Variants in MAK16 observed in about 807,000 individuals in gnomAD.
MAK16 encodes MAK16 homolog, also known as protein MAK16 homolog.
MAK16 carries 12 observed loss-of-function variants against 49.9 expected under a neutral mutation model. That is an observed-to-expected ratio of 0.24 (90% CI 0.15 to 0.39). The LOEUF is 0.39. Ranked by LOEUF, MAK16 falls within the 10% of genes least tolerant of loss-of-function variation. MAK16 has a pLI of 1.00. For synonymous variants in MAK16, 115 were observed against 126.4 expected, an observed-to-expected ratio of 0.91 and a Z score of 0.60; for missense variants, 292 against 363.7, an observed-to-expected ratio of 0.80 and a Z score of 1.60.
In MAK16 at chr8:33,499,635, T is replaced by C. The variant is rs1808990463; in HGVS notation, c.*1006T>C. ...TTTGAATAAACTGGTAAAATAACAATTCATACTATCTCTACATATTTTTAG... is the reference window on the plus strand; with the variant it reads ...TTTGAATAAACTGGTAAAATAACAACTCATACTATCTCTACATATTTTTAG... On this transcript the variant is annotated 3_prime_UTR_variant, in exon 10 of 10. Transcript: ENST00000360128. 5.0e-6 allele frequency: 1 copy of C among 201,232 alleles called. No individual in the cohort carries two copies. The highest frequency in any genetic ancestry group is 5.4e-5 in the Admixed American group (1 of 18,372). The allele number at this position is 201,232 out of a possible 1,614,324, so 12.5% of individuals were successfully genotyped here.
In MAK16 at chr8:33,498,668, G is replaced by T. The variant is rs753289976; in HGVS notation, c.*39G>T. On this transcript the variant is annotated 3_prime_UTR_variant, in exon 10 of 10. Coordinates refer to ENST00000360128, the MANE Select transcript of MAK16 (RefSeq NM_032509.4). Reference sequence around the variant, plus strand: ...ATTTATACCCAGGACTGAACATGCAGAACTGTTTTTTTTTTTTTTTTATCT... The same window carrying T: ...ATTTATACCCAGGACTGAACATGCATAACTGTTTTTTTTTTTTTTTTATCT... 117 of 1,245,910 alleles carry T rather than the reference G, an allele frequency of 9.4e-5. No homozygotes were observed. The highest frequency in any genetic ancestry group is 1.2e-4 in the Non-Finnish European group (111 of 892,112). 77.2% of individuals were successfully genotyped at this position (1,245,910 alleles called of 1,614,324 possible). A position where few individuals can be genotyped will look rare whatever the true frequency, so the allele number is the denominator to read the frequency against.
At position 33,485,433 on chromosome 8, in the gene MAK16, C is replaced by T. The variant is rs1389911069; in HGVS notation, c.15+212C>T. 3 of 635,858 alleles carry T rather than the reference C, an allele frequency of 4.7e-6. No individual in the cohort carries two copies. In the East Asian group the frequency reaches 8.3e-5, roughly 18 times the overall value. 39.4% of individuals were successfully genotyped at this position (635,858 alleles called of 1,614,324 possible). On this transcript the variant is annotated intron_variant, in intron 1 of 9. Transcript: ENST00000360128. The stretch of plus-strand genomic sequence containing the variant: ...CCCCGGCCGGGTTGTGAGCACAGGA[C>T]TCCGTCACCTCAGCCCATGGGGTCG...
rs756318335 is a variant in MAK16 at position 33,496,682 on chromosome 8, G to A, written c.580G>A (p.Glu194Lys). ...CTTCGACAAAGCCCTGGAACAACAG[G>A]AGGCAGAGAGTGACTCTTCAGATAC... is the stretch of plus-strand genomic sequence containing the variant. ...HAFDKALEQQ[E>K]AESDSSDTEE... The change falls in exon 8 of 10, where the codon GAG becomes AAG. Residue 194 changes from glutamate to lysine, a missense_variant. Physicochemically the swap from Glu to Lys is moderately conservative, Grantham distance 56 (BLOSUM62 1). Transcript: ENST00000360128. The A allele has an allele frequency of 1.9e-6, 3 of 1,613,582 alleles. No homozygotes were observed. The highest frequency in any genetic ancestry group is 2.5e-6 in the Non-Finnish European group (3 of 1,179,804).
intron 6 of MAK16, among the ~76,000 whole-genome samples, chr8:33,493,996 G>T (rs1253727550): frequency 2.9e-5 from 4 of 135,648 alleles, no homozygotes; most frequent in South Asian, 4.3e-4. Flanking sequence ...CAGATTAAGC[G>T]TATTTATTTT....
chr8:33,499,085 TA>T lies in MAK16; in HGVS notation c.*461del, dbSNP rs1808960463. 3 of 1,156,790 alleles carry T rather than the reference TA, an allele frequency of 2.6e-6. No individual in the cohort carries two copies. Among genetic ancestry groups the T allele is most frequent in the Non-Finnish European group, 3.9e-6 (3 of 778,622 alleles). 71.7% of individuals were successfully genotyped at this position (1,156,790 alleles called of 1,614,324 possible). ...CAGCTTTCACTTACAAAGTTTCGTG[TA>T]AAAATATCTTTTTTTCTTAAATAAC... On this transcript the variant is annotated 3_prime_UTR_variant, in exon 10 of 10. Transcript: ENST00000360128.
At chr8:33,497,570 G>A (rs1276907080) in intron 9 of MAK16, among the ~76,000 whole-genome samples, 3 of 151,754 alleles carry the variant, frequency 2.0e-5, no homozygotes, top group South Asian at 2.1e-4. Flanking sequence ...TGGGCTCATC[G>A]CAGCCTCAGC....
At position 33,499,012 on chromosome 8, in the gene MAK16, A is replaced by C; in HGVS notation, c.*383A>C. The C allele has an allele frequency of 1.5e-6, 1 of 650,162 alleles. No individual in the cohort carries two copies. The highest frequency in any genetic ancestry group is 2.6e-6 in the Non-Finnish European group (1 of 377,524). 40.3% of individuals were successfully genotyped at this position (650,162 alleles called of 1,614,324 possible). A position where few individuals can be genotyped will look rare whatever the true frequency, so the allele number is the denominator to read the frequency against. ...AAGGAGTTCAATTTTTTCTTGTTCT[A>C]CTTTCCCTATTCTTATGGAGGTAAA... On this transcript the variant is annotated 3_prime_UTR_variant, in exon 10 of 10. Transcript: ENST00000360128.
Position 33,498,571 on chromosome 8 carries a change from A to G in MAK16, c.845A>G (p.Tyr282Cys), listed in dbSNP as rs749528626. ...GGACCACTGCAGAGAAAACGAGCCT[A>G]TGTGGAAATAGAATACGAGCAGGAG... is the stretch of plus-strand genomic sequence containing the variant. The part of the protein sequence containing the change: ...LRGPLQRKRA[Y>C]VEIEYEQETE... Residue 282 changes from tyrosine (Y) to cysteine (C), a missense_variant, in exon 10 of 10, where the codon TAT (tyrosine) becomes TGT (cysteine). Coordinates refer to ENST00000360128, the MANE Select transcript of MAK16 (RefSeq NM_032509.4). 8 of 1,614,064 alleles carry G rather than the reference A, an allele frequency of 5.0e-6. No individual in the cohort carries two copies. The highest frequency in any genetic ancestry group is 4.4e-5 in the South Asian group (4 of 91,086).
chr8:33,488,374 G>A lies in MAK16; in HGVS notation c.16-4G>A. 6.2e-7 allele frequency: 1 copy of A among 1,614,104 alleles called. No individual in the cohort carries two copies. The highest frequency in any genetic ancestry group is 8.5e-7 in the Non-Finnish European group (1 of 1,179,976). On this transcript the variant is annotated splice_region_variant and splice_polypyrimidine_tract_variant and intron_variant, in intron 1 of 9. Coordinates refer to ENST00000360128, the MANE Select transcript of MAK16 (RefSeq NM_032509.4). ...TTGAAATGGGCTTTTACTTTGTCTT[G>A]CAGGTTATCTGGGATACACTAGGAA...
chr8:33,494,748 C>T (rs997584817), intron 6 of MAK16, among the ~76,000 whole-genome samples: 1 of 151,926 alleles, frequency 6.6e-6, no homozygotes, highest in African/African-American at 2.4e-5. Context: ...GTGTAAACAC[C>T]CCACTCTAGA....
In MAK16 at chr8:33,498,832, T is replaced by A. The variant is rs1023945275; in HGVS notation, c.*203T>A. 1.6e-6 allele frequency: 1 copy of A among 609,832 alleles called. No individual in the cohort carries two copies. Among genetic ancestry groups the A allele is most frequent in the African/African-American group, 1.8e-5 (1 of 54,112 alleles). The allele number at this position is 609,832 out of a possible 1,614,324, so 37.8% of individuals were successfully genotyped here. ...AAGCTAAGTTGTGAACAAGAGTGTTTTTATAGCATATGTGTTGAAGTAACA... is the reference window on the plus strand; with the variant it reads ...AAGCTAAGTTGTGAACAAGAGTGTTATTATAGCATATGTGTTGAAGTAACA... On this transcript the variant is annotated 3_prime_UTR_variant, in exon 10 of 10. Transcript: ENST00000360128.
At position 33,498,673 on chromosome 8, in the gene MAK16, GTTTTT is replaced by G. The variant is rs11445524; in HGVS notation, c.*56_*60del. 6.8e-6 allele frequency: 8 copies of G among 1,173,722 alleles called. No homozygotes were observed. The highest frequency in any genetic ancestry group is 9.4e-6 in the Non-Finnish European group (8 of 848,304). The allele number at this position is 1,173,722 out of a possible 1,614,324, so 72.7% of individuals were successfully genotyped here. ...TACCCAGGACTGAACATGCAGAACT[GTTTTT>G]TTTTTTTTTTTATCTTAAACACATA... On this transcript the variant is annotated 3_prime_UTR_variant, in exon 10 of 10. Transcript: ENST00000360128.
rs1207364559 is a variant in MAK16 at position 33,488,391 on chromosome 8, C to T, written c.29C>T (p.Thr10Ile). The T allele has an allele frequency of 3.7e-6, 6 of 1,614,058 alleles. No homozygotes were observed. The African/African-American group carries it at 8.0e-5, about 22-fold the overall frequency. ...TTTGTCTTGCAGGTTATCTGGGATA[C>T]ACTAGGAAACAAGCAATTTTGTTCC... MQSDDVIWD[T>I]LGNKQFCSFK... The change falls in exon 2 of 10, where the codon ACA (threonine) becomes ATA (isoleucine). Residue 10 changes from threonine (T) to isoleucine (I), a missense_variant. Coordinates refer to ENST00000360128, the MANE Select transcript of MAK16 (RefSeq NM_032509.4).
intron 6 of MAK16, among the ~76,000 whole-genome samples, chr8:33,493,213 G>A (rs1018655285): frequency 6.6e-6 from 1 of 152,126 alleles, no homozygotes; most frequent in African/African-American, 2.4e-5. Context: ...GAATGCAGTG[G>A]TGCAGTTTTG....
chr8:33,485,200 G>C lies in MAK16; in HGVS notation c.-7G>C. 1 of 1,614,176 alleles carries C rather than the reference G, an allele frequency of 6.2e-7. No individual in the cohort carries two copies. Among genetic ancestry groups the C allele is most frequent in the Admixed American group, 1.7e-5 (1 of 60,026 alleles). ...GACCGGAAGTTGCACGCTGAGCCGC[G>C]GACACCATGCAGTCGGATGATGTGA... On this transcript the variant is annotated 5_prime_UTR_variant, in exon 1 of 10. Transcript: ENST00000360128.
chr8:33,487,262 CTG>C (rs1808703769), intron 1 of MAK16, among the ~76,000 whole-genome samples: 1 of 152,078 alleles, frequency 6.6e-6, no homozygotes, highest in Non-Finnish European at 1.5e-5. Flanking sequence ...TAAGTGGCTA[CTG>C]TGTGTCAGGA....
At chr8:33,492,226 G>C (rs188245278) in intron 6 of MAK16, among the ~76,000 whole-genome samples, 1 of 151,992 alleles carries the variant, frequency 6.6e-6, no homozygotes, top group Non-Finnish European at 1.5e-5. Context: ...TGGCCAGGCT[G>C]GTCTCGAACT....
At chr8:33,488,702 A>T in intron 3 of MAK16, 32 bp from the exon 4 acceptor site, 1 of 1,612,090 alleles carries the variant, frequency 6.2e-7, no homozygotes, top group East Asian at 2.2e-5. Flanking sequence ...GTTTCTGTAA[A>T]TAACACTAAA....
chr8:33,487,723 A>G (rs1808710610), intron 1 of MAK16, among the ~76,000 whole-genome samples: 1 of 152,030 alleles, frequency 6.6e-6, no homozygotes, highest in Admixed American at 6.6e-5. Flanking sequence ...CACCCGGCCC[A>G]TGAGAGCCTT....
Sources: allele counts gnomAD v4.1 joint callset (sites outside exome capture counted in the v4.1 genomes callset), GRCh38; gene constraint gnomAD v4.1.1; transcripts MANE v1.5; gene names NCBI Gene and HGNC (gene_info 2026-07-23, HGNC 2026-07-21).